Variants in SF3A3 observed in about 807,000 individuals in gnomAD.
SF3A3 encodes the protein SAP 61.
SF3A3 carries 9 observed loss-of-function variants against 85.8 expected under a neutral mutation model. The ratio of observed to expected loss-of-function variants is 0.10; its 90% CI spans 0.06 to 0.18. The LOEUF (loss-of-function observed/expected upper bound fraction) is 0.18. SF3A3 is among the 10% of genes least tolerant of loss of function. The pLI is 1.00. For missense variants in SF3A3, 306 were observed against 593.3 expected (o/e 0.52, Z 5.03); for synonymous variants, 195 against 204.4 (o/e 0.95, Z 0.39).
At chr1:37,978,859 G>A (rs750383795) in intron 10 of SF3A3, 32 bp from the exon 11 acceptor site, 18 of 1,567,952 alleles carry the variant, frequency 1.1e-5, no homozygotes, top group Middle Eastern at 1.7e-4. Context: ...GGATTTTAGG[G>A]TTACTTTACC....
At chr1:37,977,072 G>A (rs1646384098) in intron 11 of SF3A3, 119 bp from the exon 12 acceptor site, 2 of 731,586 alleles carry the variant, frequency 2.7e-6, no homozygotes, top group Non-Finnish European at 2.4e-6. Context: ...TGAGAAATAC[G>A]ATGCTATGAA....
In SF3A3 at chr1:37,970,283, C is replaced by T. The variant is rs559509672; in HGVS notation, c.1006-548G>A. Among the ~76,000 whole-genome samples the T allele has an allele frequency of 3.6e-4, 52 of 144,006 alleles. No homozygotes were observed. The East Asian group carries it at 9.0e-3, about 25-fold the overall frequency. The allele number at this position is 144,006 out of a possible 152,430, so 94.5% of individuals were successfully genotyped here. A position where few individuals can be genotyped will look rare whatever the true frequency, so the allele number is the denominator to read the frequency against. On this transcript the variant is annotated intron_variant, in intron 12 of 16. Transcript: ENST00000373019. The stretch of plus-strand genomic sequence containing the variant: ...TCCCGCCACTGCACTCCAGCCTGGG[C>T]GACAGAGTGAGACTCCTTCTCAAAA...
intron 7 of SF3A3, 58 bp downstream of exon 7, chr1:37,981,671 A>C: frequency 9.1e-7 from 1 of 1,101,902 alleles, no homozygotes; most frequent in Non-Finnish European, 1.4e-6. Flanking sequence ...CACCCTCAAA[A>C]ACTTCACATT....
At chr1:37,978,414 T>C (rs1646394631) in intron 11 of SF3A3, among the ~76,000 whole-genome samples, 1 of 151,666 alleles carries the variant, frequency 6.6e-6, no homozygotes, top group Non-Finnish European at 1.5e-5. Flanking sequence ...TTACCAAAAA[T>C]AAGCTTAGAA....
intron 12 of SF3A3, among the ~76,000 whole-genome samples, chr1:37,974,933 CTCTT>C (rs1434150693): frequency 6.6e-6 from 1 of 152,178 alleles, no homozygotes; most frequent in Non-Finnish European, 1.5e-5. Context: ...TCTCCCTTCT[CTCTT>C]TCTACTTAGA....
At chr1:37,979,611 T>A in intron 8 of SF3A3, 78 bp from the exon 9 acceptor site, 1 of 1,083,530 alleles carries the variant, frequency 9.2e-7, no homozygotes, top group African/African-American at 1.6e-5. Context: ...ATCTCAGCAT[T>A]TTGGGAGGCC....
intron 16 of SF3A3, 103 bp downstream of exon 16, chr1:37,960,017 C>T: frequency 1.2e-6 from 1 of 812,198 alleles, no homozygotes; most frequent in Non-Finnish European, 2.1e-6. Context: ...ATTCTACTCG[C>T]TGCTGCAGTA....
intron 9 of SF3A3, 37 bp downstream of exon 9, chr1:37,979,428 G>T: frequency 1.3e-6 from 2 of 1,492,780 alleles, no homozygotes; most frequent in South Asian, 1.1e-5. Context: ...CAGAAAAATA[G>T]ACAGAGAGAA....
At chr1:37,985,813 G>A (rs1216069622) in intron 4 of SF3A3, among the ~76,000 whole-genome samples, 4 of 151,996 alleles carry the variant, frequency 2.6e-5, no homozygotes, top group Admixed American at 6.6e-5. Flanking sequence ...TTACCTCCGC[G>A]CTATGTATTG....
chr1:37,958,626 C>T (rs1646235876), intron 16 of SF3A3, among the ~76,000 whole-genome samples: 1 of 152,184 alleles, frequency 6.6e-6, no homozygotes, highest in African/African-American at 2.4e-5. Flanking sequence ...CCCAAGAATC[C>T]CAGGATTCTG....
chr1:37,965,229 GC>G (rs1224757400), intron 15 of SF3A3, among the ~76,000 whole-genome samples: 1 of 145,180 alleles, frequency 6.9e-6, no homozygotes, highest in African/African-American at 2.6e-5. Flanking sequence ...ATTTTGTAGG[GC>G]CAAGGTGGGA....
At chr1:37,977,106 G>A (rs1352698558) in intron 11 of SF3A3, among the ~76,000 whole-genome samples, 153 bp from the exon 12 acceptor site, 5 of 152,178 alleles carry the variant, frequency 3.3e-5, no homozygotes, top group Admixed American at 2.6e-4. Context: ...TTCATCTCAG[G>A]ACTCTCTGAC....
intron 5 of SF3A3, 119 bp downstream of exon 5, chr1:37,984,588 A>AT (rs1646442383): frequency 6.4e-6 from 5 of 782,662 alleles, no homozygotes; most frequent in Non-Finnish European, 1.1e-5. Context: ...AGAAACCAGC[A>AT]AAGACAAAAC....
intron 12 of SF3A3, among the ~76,000 whole-genome samples, chr1:37,975,062 A>G (rs915922886): frequency 1.3e-5 from 2 of 152,088 alleles, no homozygotes; most frequent in Non-Finnish European, 2.9e-5. Flanking sequence ...TCACTATTGT[A>G]TCAAAAAAAT....
At chr1:37,963,950 G>A (rs1242839702) in intron 15 of SF3A3, among the ~76,000 whole-genome samples, 1 of 149,802 alleles carries the variant, frequency 6.7e-6, no homozygotes, top group Non-Finnish European at 1.5e-5. Context: ...GGGAGGCCAA[G>A]GCGGGCAGAT....
intron 15 of SF3A3, among the ~76,000 whole-genome samples, chr1:37,966,804 G>A (rs1458141906): frequency 2.0e-5 from 3 of 150,604 alleles, no homozygotes; most frequent in South Asian, 2.1e-4. Context: ...GCATGGTGGC[G>A]CATACTTGTA....
At chr1:37,986,538 G>A (rs538031789) in intron 4 of SF3A3, among the ~76,000 whole-genome samples, 54 of 152,122 alleles carry the variant, frequency 3.5e-4, no homozygotes, top group African/African-American at 1.2e-3. Flanking sequence ...AGGGCCGGGC[G>A]CGGTGGCTCA....
intron 2 of SF3A3, 26 bp downstream of exon 2, chr1:37,989,522 A>C: frequency 6.2e-7 from 1 of 1,610,432 alleles, no homozygotes; most frequent in Non-Finnish European, 8.5e-7. Flanking sequence ...GCCAACCCAA[A>C]GAGAGGCAGA....
chr1:37,962,399 T>G (rs184237979), intron 15 of SF3A3, among the ~76,000 whole-genome samples: 26 of 144,262 alleles, frequency 1.8e-4, no homozygotes, highest in African/African-American at 5.9e-4. Flanking sequence ...AGGTTGGGAG[T>G]TCGAGACCAA....
Sources: gnomAD v4.1 joint callset for allele counts (sites outside exome capture counted in the v4.1 genomes callset) on GRCh38, gnomAD v4.1.1 for gene constraint, MANE v1.5 for transcripts, NCBI Gene and HGNC (gene_info 2026-07-23, HGNC 2026-07-21) for gene names.